CENPP: variants seen among roughly 807,000 people sequenced by gnomAD.
CENPP encodes the protein centromere protein P.
CENPP carries 24 observed loss-of-function variants against 35.6 expected under a neutral mutation model. That is an observed-to-expected ratio of 0.67 (90% CI 0.49 to 0.95). CENPP has a LOEUF of 0.95. CENPP is among the 40% of genes least tolerant of loss of function. The pLI, the probability that CENPP is intolerant of heterozygous loss-of-function variation, is 0.00. For synonymous variants in CENPP, 120 were observed against 125.5 expected (o/e 0.96, Z 0.29); for missense variants, 332 against 345.3 (o/e 0.96, Z 0.31).
intron 6 of CENPP, 103 bp from the exon 7 acceptor site, chr9:92,612,420 G>A: frequency 2.3e-6 from 2 of 858,462 alleles, no homozygotes; most frequent in South Asian, 1.5e-5. Context: ...TTCTAGCAGG[G>A]GAGCCCAGCA....
At chr9:92,514,917 C>T in intron 5 of CENPP, 1 of 1,613,854 alleles carries the variant, frequency 6.2e-7, no homozygotes, top group South Asian at 1.1e-5. Context: ...GCCTCCTCTC[C>T]TCTCCAGGCC....
intron 5 of CENPP, among the ~76,000 whole-genome samples, chr9:92,539,644 T>C (rs1849271246): frequency 6.6e-6 from 1 of 151,946 alleles, no homozygotes; most frequent in African/African-American, 2.4e-5. Context: ...AGGAGGAAGA[T>C]GGAGAGGATG....
intron 5 of CENPP, among the ~76,000 whole-genome samples, chr9:92,571,816 T>A (rs1024181837): frequency 2.0e-5 from 3 of 152,152 alleles, no homozygotes; most frequent in African/African-American, 7.2e-5. Flanking sequence ...GTTGAATTGA[T>A]CCCTTTACCA....
intron 5 of CENPP, among the ~76,000 whole-genome samples, chr9:92,399,518 T>C (rs766269971): frequency 2.0e-5 from 3 of 152,216 alleles, no homozygotes; most frequent in Non-Finnish European, 2.9e-5. Flanking sequence ...TTTTCCCAGT[T>C]TTTAGTTGCC....
intron 5 of CENPP, chr9:92,416,968 A>G (rs1843633140): frequency 1.9e-6 from 3 of 1,614,004 alleles, no homozygotes; most frequent in Admixed American, 3.3e-5. Context: ...AATCATGAAG[A>G]TAATTATAAC....
Position 92,619,747 on chromosome 9 carries a change from C to A in CENPP, c.*6598C>A. 1 of 621,474 alleles carries A rather than the reference C, an allele frequency of 1.6e-6. No homozygotes were observed. Among genetic ancestry groups the A allele is most frequent in the Non-Finnish European group, 2.9e-6 (1 of 343,188 alleles). The allele number at this position is 621,474 out of a possible 1,614,324, so 38.5% of individuals were successfully genotyped here. A position where few individuals can be genotyped will look rare whatever the true frequency, so the allele number is the denominator to read the frequency against. ...AGGTCGCCCTGTGAGAGCACCTGGG[C>A]CAGCCCTCAGTGCCACGGGGCTGCT... On this transcript the variant is annotated 3_prime_UTR_variant, in exon 8 of 8. Coordinates refer to ENST00000375587, the MANE Select transcript of CENPP (RefSeq NM_001012267.3).
chr9:92,595,720 C>A (rs1850764871), intron 5 of CENPP, among the ~76,000 whole-genome samples: 1 of 151,940 alleles, frequency 6.6e-6, no homozygotes, highest in South Asian at 2.1e-4. Flanking sequence ...CGTGCACCAC[C>A]ATGCCTGGGT....
intron 5 of CENPP, among the ~76,000 whole-genome samples, chr9:92,397,179 AAAACAAAC>A (rs1046371616): frequency 8.5e-5 from 13 of 152,214 alleles, no homozygotes; most frequent in Non-Finnish European, 1.6e-4. Flanking sequence ...CCTGTCTAAA[AAAACAAAC>A]AAACAAACAA....
intron 5 of CENPP, among the ~76,000 whole-genome samples, chr9:92,407,992 G>A (rs1327401984): frequency 6.6e-6 from 1 of 152,136 alleles, no homozygotes; most frequent in African/African-American, 2.4e-5. Context: ...TGGAATTTTG[G>A]AAACAAGAGC....
chr9:92,392,351 T>C (rs1842718872), intron 5 of CENPP, among the ~76,000 whole-genome samples: 2 of 152,178 alleles, frequency 1.3e-5, no homozygotes, highest in African/African-American at 4.8e-5. Flanking sequence ...CTGCCGGGCA[T>C]GGTGGCTCAC....
At chr9:92,361,831 C>T (rs1351928504) in intron 4 of CENPP, among the ~76,000 whole-genome samples, 1 of 152,098 alleles carries the variant, frequency 6.6e-6, no homozygotes, top group African/African-American at 2.4e-5. Flanking sequence ...AATTACAGTG[C>T]AGTGATCAAC....
chr9:92,381,560 C>A (rs186439398), intron 5 of CENPP, among the ~76,000 whole-genome samples: 2 of 152,154 alleles, frequency 1.3e-5, no homozygotes, highest in African/African-American at 4.8e-5. Context: ...AGTGCCCTCC[C>A]CCTGCCTTTT....
intron 5 of CENPP, chr9:92,465,135 C>A: frequency 1.3e-6 from 1 of 786,810 alleles, no homozygotes; most frequent in Non-Finnish European, 2.1e-6. Flanking sequence ...GAAGCGTGAG[C>A]TTCATCCTTT....
chr9:92,385,297 C>A, intron 5 of CENPP: 1 of 188,390 alleles, frequency 5.3e-6, no homozygotes, highest in African/African-American at 2.4e-5. Context: ...TATCCTCGTA[C>A]TTACATCATT....
chr9:92,472,309 ATAGTGC>A (rs1845551079), intron 5 of CENPP, among the ~76,000 whole-genome samples: 1 of 151,982 alleles, frequency 6.6e-6, no homozygotes, highest in African/African-American at 2.4e-5. Context: ...GTGAGCCAAG[ATAGTGC>A]CACTGCACTC....
intron 5 of CENPP, among the ~76,000 whole-genome samples, chr9:92,393,690 AC>A (rs1163997141): frequency 3.9e-5 from 6 of 152,060 alleles, no homozygotes; most frequent in Non-Finnish European, 8.8e-5. Context: ...ATCCTTTAGC[AC>A]CCCAAGTCAT....
At chr9:92,376,783 G>T (rs925773767) in intron 4 of CENPP, among the ~76,000 whole-genome samples, 3 of 152,174 alleles carry the variant, frequency 2.0e-5, no homozygotes, top group Admixed American at 6.5e-5. Context: ...GCTCACGCCT[G>T]TAATCCCAGC....
chr9:92,517,446 G>A, intron 5 of CENPP: 2 of 604,832 alleles, frequency 3.3e-6, no homozygotes, highest in South Asian at 4.2e-5. Flanking sequence ...AATGTGGAAT[G>A]TAATCTCATC....
At chr9:92,365,099 G>A (rs925138450) in intron 4 of CENPP, among the ~76,000 whole-genome samples, 1 of 152,108 alleles carries the variant, frequency 6.6e-6, no homozygotes, top group Non-Finnish European at 1.5e-5. Context: ...AGAAAAGCCC[G>A]TCTTCATAAA....
Sources: allele counts gnomAD v4.1 joint callset (sites outside exome capture counted in the v4.1 genomes callset), GRCh38; gene constraint gnomAD v4.1.1; transcripts MANE v1.5; gene names NCBI Gene and HGNC (gene_info 2026-07-23, HGNC 2026-07-21).